The following CHRM3 variants were observed in gnomAD, a reference collection of about 807,000 sequenced individuals.
CHRM3 encodes the protein muscarinic acetylcholine receptor M3.
A neutral mutation model predicts 41.8 loss-of-function variants in CHRM3; 11 were observed. The observed-to-expected ratio is 0.26, with a 90% CI of 0.17 to 0.44. CHRM3 has a LOEUF of 0.44. CHRM3 is among the 20% of genes least tolerant of loss of function. CHRM3 has a pLI of 1.00. For missense variants in CHRM3, 571 were observed against 745.4 expected (o/e 0.77, Z 2.72); for synonymous variants, 297 against 301.4 (o/e 0.99, Z 0.15).
At chr1:239,664,153 T>A (rs1673530807) in intron 4 of CHRM3, among the ~76,000 whole-genome samples, 1 of 150,186 alleles carries the variant, frequency 6.7e-6, no homozygotes. Context: ...AGATGACTAT[T>A]CATTCATCCA....
chr1:239,785,135 C>T (rs936157394), intron 5 of CHRM3, among the ~76,000 whole-genome samples: 3 of 152,084 alleles, frequency 2.0e-5, no homozygotes, highest in Admixed American at 1.3e-4. Flanking sequence ...TCCTTCTGCA[C>T]GATTTGAGGG....
intron 5 of CHRM3, among the ~76,000 whole-genome samples, chr1:239,718,357 C>G (rs1490650188): frequency 1.3e-5 from 2 of 152,028 alleles, no homozygotes; most frequent in Non-Finnish European, 2.9e-5. Flanking sequence ...ACAAACTCCT[C>G]AGCGTGAAAC....
intron 5 of CHRM3, among the ~76,000 whole-genome samples, chr1:239,700,690 T>C (rs1449624926): frequency 2.0e-5 from 3 of 151,960 alleles, no homozygotes; most frequent in Admixed American, 1.3e-4. Flanking sequence ...GCAGACTCGT[T>C]TTTGGTCCTT....
chr1:239,646,794 A>G (rs1439155531), intron 4 of CHRM3, among the ~76,000 whole-genome samples: 2 of 152,200 alleles, frequency 1.3e-5, no homozygotes, highest in Admixed American at 1.3e-4. Flanking sequence ...TTTTACCCTA[A>G]AAGTAGCAGA....
intron 5 of CHRM3, among the ~76,000 whole-genome samples, chr1:239,713,834 T>C (rs1294933602): frequency 6.6e-6 from 1 of 152,208 alleles, no homozygotes; most frequent in Non-Finnish European, 1.5e-5. Flanking sequence ...GATCACCTTA[T>C]TTAAGTATAA....
intron 1 of CHRM3, among the ~76,000 whole-genome samples, chr1:239,454,932 G>T (rs980644383): frequency 1.3e-5 from 2 of 152,144 alleles, no homozygotes; most frequent in Admixed American, 6.5e-5. Context: ...GCTACCAGTT[G>T]TATAGAAGTA....
chr1:239,666,471 C>T (rs112501601), intron 4 of CHRM3, among the ~76,000 whole-genome samples: 9 of 151,990 alleles, frequency 5.9e-5, no homozygotes, highest in Non-Finnish European at 1.3e-4. Flanking sequence ...GGATTACAGG[C>T]GTGAGTCACC....
chr1:239,680,035 G>A (rs781314425), intron 5 of CHRM3, among the ~76,000 whole-genome samples: 1 of 151,926 alleles, frequency 6.6e-6, no homozygotes, highest in Admixed American at 6.6e-5. Flanking sequence ...TTATTCCATT[G>A]TGCAGCCACT....
At chr1:239,573,035 T>A (rs1317822172) in intron 3 of CHRM3, among the ~76,000 whole-genome samples, 1 of 152,202 alleles carries the variant, frequency 6.6e-6, no homozygotes, top group East Asian at 1.9e-4. Context: ...CTTGGGCATT[T>A]GGAGGGTTTG....
intron 5 of CHRM3, among the ~76,000 whole-genome samples, chr1:239,805,025 A>G (rs183976685): frequency 9.5e-4 from 145 of 152,280 alleles, no homozygotes; most frequent in African/African-American, 3.2e-3. Context: ...CCGTTTCCTT[A>G]ACTCTTACAT....
At chr1:239,461,934 T>C (rs1245759783) in intron 1 of CHRM3, among the ~76,000 whole-genome samples, 1 of 152,040 alleles carries the variant, frequency 6.6e-6, no homozygotes, top group Non-Finnish European at 1.5e-5. Flanking sequence ...CAAAAGCAAA[T>C]AAATGAAGTG....
chr1:239,866,409 A>AC (rs1676111799), intron 6 of CHRM3, among the ~76,000 whole-genome samples: 1 of 151,906 alleles, frequency 6.6e-6, no homozygotes, highest in African/African-American at 2.4e-5. Flanking sequence ...CAAAAACAAA[A>AC]AAAAAAAAGC....
intron 6 of CHRM3, among the ~76,000 whole-genome samples, chr1:239,899,394 C>CATATACACACATATACAT (rs1247291834): frequency 1.4e-5 from 2 of 145,680 alleles, no homozygotes; most frequent in African/African-American, 5.3e-5. Flanking sequence ...AACACATATA[C>CATATACACACATATACAT]ATATACACAC....
chr1:239,401,023 GGAACCAGGCAAAAAGA>G (rs1458727198), intron 1 of CHRM3, among the ~76,000 whole-genome samples: 1 of 152,090 alleles, frequency 6.6e-6, no homozygotes, highest in Non-Finnish European at 1.5e-5. Flanking sequence ...ATCAGAAGCA[GGAACCAGGCAAAAAGA>G]GAACAACCCA....
chr1:239,593,981 C>T (rs1219256967), intron 3 of CHRM3, among the ~76,000 whole-genome samples: 1 of 152,130 alleles, frequency 6.6e-6, no homozygotes, highest in Non-Finnish European at 1.5e-5. Flanking sequence ...CTCTTTTAAG[C>T]TGTATTAATA....
chr1:239,660,406 C>T (rs1673084366), intron 4 of CHRM3, among the ~76,000 whole-genome samples: 1 of 152,166 alleles, frequency 6.6e-6, no homozygotes, highest in African/African-American at 2.4e-5. Flanking sequence ...CCTACACTTA[C>T]CAAATCACTT....
chr1:239,808,274 C>T (rs1467810462), intron 5 of CHRM3, among the ~76,000 whole-genome samples: 1 of 152,040 alleles, frequency 6.6e-6, no homozygotes, highest in Non-Finnish European at 1.5e-5. Context: ...TGTTTATCCT[C>T]GTATGTGACC....
At chr1:239,399,620 C>T (rs1659792222) in intron 1 of CHRM3, among the ~76,000 whole-genome samples, 1 of 152,156 alleles carries the variant, frequency 6.6e-6, no homozygotes, top group Admixed American at 6.5e-5. Context: ...GTGCCTGACT[C>T]ATCTCACTTA....
chr1:239,700,065 A>T (rs184237708), intron 5 of CHRM3, among the ~76,000 whole-genome samples: 1 of 152,118 alleles, frequency 6.6e-6, no homozygotes, highest in East Asian at 1.9e-4. Flanking sequence ...TATTTAATTA[A>T]TTTTTTTTCA....
Sources: gnomAD v4.1 joint callset for allele counts (sites outside exome capture counted in the v4.1 genomes callset) on GRCh38, gnomAD v4.1.1 for gene constraint, MANE v1.5 for transcripts, NCBI Gene and HGNC (gene_info 2026-07-23, HGNC 2026-07-21) for gene names.